TDRD9: variants seen among roughly 807,000 people sequenced by gnomAD.
The protein encoded by TDRD9 is tudor domain containing 9, also known as ATP-dependent RNA helicase TDRD9.
Under a neutral mutation model 172.6 loss-of-function variants are expected in TDRD9, and 124 were observed. The ratio of observed to expected loss-of-function variants is 0.72; its 90% CI spans 0.62 to 0.83. TDRD9 has a LOEUF of 0.83. Ranked by LOEUF, TDRD9 falls within the 40% of genes least tolerant of loss-of-function variation. The pLI, the probability that TDRD9 is intolerant of heterozygous loss-of-function variation, is 0.00. For synonymous variants in TDRD9, 619 were observed against 617.1 expected, an observed-to-expected ratio of 1.00 and a Z score of -0.05; for missense variants, 1,479 against 1,714.1, an observed-to-expected ratio of 0.86 and a Z score of 2.42.
intron 28 of TDRD9, among the ~76,000 whole-genome samples, chr14:104,028,518 G>T (rs951521955): frequency 6.6e-6 from 1 of 152,004 alleles, no homozygotes; most frequent in Non-Finnish European, 1.5e-5. Context: ...CAGATGCTTT[G>T]CCCACTTTTT....
chr14:104,042,235 T>C (rs769966628), intron 34 of TDRD9, 48 bp downstream of exon 34: 5 of 1,287,346 alleles, frequency 3.9e-6, no homozygotes, highest in African/African-American at 1.5e-5. Context: ...GTCAACTTTC[T>C]CAGCTGCCTT....
chr14:104,005,205 T>C, intron 14 of TDRD9, 69 bp from the exon 15 acceptor site: 1 of 1,537,130 alleles, frequency 6.5e-7, no homozygotes, highest in South Asian at 1.2e-5. Flanking sequence ...TCTGAAGCAC[T>C]GGTTATGTGA....
At chr14:104,042,739 C>T (rs11622475) in intron 34 of TDRD9, among the ~76,000 whole-genome samples, 34,969 of 151,954 alleles carry the variant, frequency 0.23, 4,836 homozygotes, top group South Asian at 0.43. Context: ...ACCAGCATTC[C>T]ACCTACCCAG....
intron 1 of TDRD9, among the ~76,000 whole-genome samples, chr14:103,930,699 C>G (rs10467890): frequency 2.0e-5 from 3 of 151,898 alleles, no homozygotes; most frequent in Non-Finnish European, 4.4e-5. Flanking sequence ...GCACACTTTA[C>G]TTCCTTGAGC....
chr14:103,979,875 C>CTT (rs5811124), intron 7 of TDRD9, among the ~76,000 whole-genome samples: 17 of 144,288 alleles, frequency 1.2e-4, no homozygotes, highest in Admixed American at 1.0e-3. Context: ...TTTTCTGACT[C>CTT]TTTTTTTTTT....
intron 5 of TDRD9, 101 bp downstream of exon 5, chr14:103,966,932 A>AT (rs1327490708): frequency 3.1e-5 from 35 of 1,119,888 alleles, no homozygotes; most frequent in Non-Finnish European, 4.1e-5. Context: ...AGCTTTCTTT[A>AT]TTTTTTCCTT....
At chr14:103,989,852 C>T (rs929380851) in intron 8 of TDRD9, among the ~76,000 whole-genome samples, 4 of 152,264 alleles carry the variant, frequency 2.6e-5, no homozygotes, top group African/African-American at 4.8e-5. Flanking sequence ...GGCTGGGTCA[C>T]GTCCACAGGC....
intron 1 of TDRD9, chr14:103,940,874 T>C (rs1354581508): frequency 1.3e-6 from 2 of 1,535,282 alleles, no homozygotes; most frequent in Non-Finnish European, 1.7e-6. Context: ...CTGTCCTTTG[T>C]GTTTTTGTCT....
intron 1 of TDRD9, among the ~76,000 whole-genome samples, chr14:103,947,010 CT>C (rs61498557): frequency 0.016 from 2,466 of 152,114 alleles, 70 homozygotes; most frequent in African/African-American, 0.057. Flanking sequence ...ATCCTAATGA[CT>C]TTTTTTTCAT....
At chr14:103,986,842 G>A (rs1032068844) in intron 8 of TDRD9, among the ~76,000 whole-genome samples, 2 of 152,156 alleles carry the variant, frequency 1.3e-5, no homozygotes, top group African/African-American at 2.4e-5. Context: ...ATGGCTGGGC[G>A]CGGTGGCTCA....
chr14:103,958,311 A>G (rs537349678), intron 2 of TDRD9, among the ~76,000 whole-genome samples: 4 of 151,880 alleles, frequency 2.6e-5, no homozygotes, highest in African/African-American at 9.7e-5. Flanking sequence ...AGGGAGGGAA[A>G]TGTGTGCAGA....
intron 1 of TDRD9, chr14:103,945,549 T>TTCCAA (rs2031513951): frequency 6.6e-6 from 1 of 152,244 alleles, no homozygotes; most frequent in East Asian, 1.9e-4. Flanking sequence ...TTGGATTGTA[T>TTCCAA]TTATCTTACA....
At chr14:104,022,082 C>G in intron 23 of TDRD9, 75 bp from the exon 24 acceptor site, 1 of 1,202,758 alleles carries the variant, frequency 8.3e-7, no homozygotes, top group Non-Finnish European at 1.2e-6. Context: ...GAATTTCTGT[C>G]TTGAGAGAAA....
At chr14:104,007,561 T>C (rs551446985) in intron 19 of TDRD9, among the ~76,000 whole-genome samples, 11 of 152,254 alleles carry the variant, frequency 7.2e-5, no homozygotes, top group Non-Finnish European at 8.8e-5. Flanking sequence ...TTGAGGGCCA[T>C]GTGGCTGCTG....
At position 104,027,015 on chromosome 14, in the gene TDRD9, C is replaced by G. The variant is rs1191324307; in HGVS notation, c.3282+76C>G. ...GGCAGGCTTTCCTTCCTCTGTGGAC[C>G]CTGAGATAGGAGGAGGCGGACAGTG... On this transcript the variant is annotated intron_variant, in intron 28 of 35. Transcript: ENST00000409874. 7.4e-6 allele frequency: 11 copies of G among 1,495,550 alleles called. No individual in the cohort carries two copies. The East Asian group carries it at 2.1e-4, about 28-fold the overall frequency. The allele number at this position is 1,495,550 out of a possible 1,614,324, so 92.6% of individuals were successfully genotyped here.
chr14:103,977,724 T>C (rs2033312087), intron 7 of TDRD9, among the ~76,000 whole-genome samples: 1 of 151,826 alleles, frequency 6.6e-6, no homozygotes, highest in Non-Finnish European at 1.5e-5. Flanking sequence ...TTTGAGGTCT[T>C]AGCCATCAAA....
intron 7 of TDRD9, among the ~76,000 whole-genome samples, chr14:103,983,030 G>A (rs73354455): frequency 0.015 from 2,170 of 145,490 alleles, 59 homozygotes; most frequent in African/African-American, 0.052. Flanking sequence ...CATGCCCCCC[G>A]CCCCACCTGG....
At chr14:103,931,399 T>C (rs1281732431) in intron 1 of TDRD9, among the ~76,000 whole-genome samples, 2 of 152,220 alleles carry the variant, frequency 1.3e-5, no homozygotes, top group Non-Finnish European at 2.9e-5. Flanking sequence ...TGTTGGTCTA[T>C]GAGTAGTGCT....
intron 6 of TDRD9, among the ~76,000 whole-genome samples, chr14:103,971,176 G>A: frequency 6.6e-6 from 1 of 151,592 alleles, no homozygotes; most frequent in East Asian, 1.9e-4. Context: ...GTAGAGGCGG[G>A]GTTTCATCGT....
Sources: gnomAD v4.1 joint callset for allele counts (sites outside exome capture counted in the v4.1 genomes callset) on GRCh38, gnomAD v4.1.1 for gene constraint, MANE v1.5 for transcripts, NCBI Gene and HGNC (gene_info 2026-07-23, HGNC 2026-07-21) for gene names.